Variants in SUPT3H observed in about 807,000 individuals in gnomAD.
SUPT3H encodes SPT3 homolog, SAGA and STAGA complex component, also known as transcription initiation protein SPT3 homolog.
In SUPT3H, 44 loss-of-function variants were observed where a neutral mutation model predicts 44.3. The ratio of observed to expected loss-of-function variants is 0.99; its 90% CI spans 0.78 to 1.28. The LOEUF (loss-of-function observed/expected upper bound fraction) is 1.28, where lower values mean the gene tolerates loss of function less well. Ranked by LOEUF, SUPT3H falls within the 50% of genes most tolerant of loss-of-function variation. The pLI, the probability that SUPT3H is intolerant of heterozygous loss-of-function variation, is 0.00. For missense variants in SUPT3H, 380 were observed against 387.1 expected, an observed-to-expected ratio of 0.98 and a Z score of 0.15; for synonymous variants, 124 against 125.6, an observed-to-expected ratio of 0.99 and a Z score of 0.09.
intron 2 of SUPT3H, among the ~76,000 whole-genome samples, chr6:45,169,530 T>C (rs1441125039): frequency 1.3e-5 from 2 of 152,198 alleles, no homozygotes; most frequent in African/African-American, 4.8e-5. Flanking sequence ...ATCCAAAATA[T>C]TGCTTGAACA....
intron 2 of SUPT3H, among the ~76,000 whole-genome samples, chr6:45,347,776 A>G (rs1357972218): frequency 2.7e-5 from 4 of 150,366 alleles, no homozygotes; most frequent in Middle Eastern, 3.4e-3. Flanking sequence ...TAAAAAAAAA[A>G]GACGTATATT....
chr6:45,283,121 C>G (rs554977865), intron 2 of SUPT3H, among the ~76,000 whole-genome samples: 1 of 152,344 alleles, frequency 6.6e-6, no homozygotes, highest in Non-Finnish European at 1.5e-5. Flanking sequence ...GTACCAGCCA[C>G]TGCAAAAACA....
At chr6:45,301,978 C>T (rs1022826240) in intron 2 of SUPT3H, among the ~76,000 whole-genome samples, 3 of 152,148 alleles carry the variant, frequency 2.0e-5, no homozygotes, top group Non-Finnish European at 2.9e-5. Context: ...CTGTTAAGTG[C>T]CAAGTAAATG....
intron 2 of SUPT3H, among the ~76,000 whole-genome samples, chr6:45,119,108 T>C (rs1801245249): frequency 6.6e-6 from 1 of 152,116 alleles, no homozygotes; most frequent in African/African-American, 2.4e-5. Context: ...CATAGACATA[T>C]AATCATAAAT....
intron 2 of SUPT3H, among the ~76,000 whole-genome samples, chr6:45,355,646 A>G (rs1793022484): frequency 6.6e-6 from 1 of 152,150 alleles, no homozygotes. Context: ...CAAATTCCAG[A>G]TAAGTGAAGT....
At position 45,320,609 on chromosome 6, in the gene SUPT3H, A is replaced by G. The variant is rs555366924; in HGVS notation, c.101+44592T>C. Among the ~76,000 whole-genome samples the G allele has an allele frequency of 8.5e-5, 13 of 152,104 alleles. 1 individual carries two copies. In the South Asian group the frequency reaches 2.5e-3, roughly 29 times the overall value. ...TTCCTGTTTTTGTAAATAAAGTTTT[A>G]CTGGAATTCAGCCATACTCATTTGT... is the stretch of plus-strand genomic sequence containing the variant. On this transcript the variant is annotated intron_variant, in intron 2 of 10. Coordinates refer to ENST00000371459, the MANE Select transcript of SUPT3H (RefSeq NM_003599.4).
chr6:45,363,038 AGTC>A (rs2150260087), intron 2 of SUPT3H, among the ~76,000 whole-genome samples: 1 of 151,776 alleles, frequency 6.6e-6, no homozygotes, highest in East Asian at 1.9e-4. Flanking sequence ...TAATTTTTGT[AGTC>A]TTCTTCTTAA....
At chr6:44,877,236 G>A (rs1026084417) in intron 10 of SUPT3H, among the ~76,000 whole-genome samples, 3 of 152,188 alleles carry the variant, frequency 2.0e-5, no homozygotes, top group African/African-American at 4.8e-5. Context: ...GGAGGCTGAA[G>A]CAGGCAGATC....
chr6:45,080,429 C>A (rs1445471022), intron 3 of SUPT3H, among the ~76,000 whole-genome samples: 1 of 152,012 alleles, frequency 6.6e-6, no homozygotes, highest in Admixed American at 6.6e-5. Context: ...CCAGATATAC[C>A]TCTGCTAGGT....
chr6:45,196,569 T>C (rs955611987), intron 2 of SUPT3H, among the ~76,000 whole-genome samples: 3 of 152,018 alleles, frequency 2.0e-5, no homozygotes, highest in Admixed American at 6.6e-5. Flanking sequence ...AATAGAGCAA[T>C]AGTACCTTTG....
chr6:45,003,585 T>G, intron 6 of SUPT3H, 68 bp downstream of exon 6: 1 of 1,536,432 alleles, frequency 6.5e-7, no homozygotes, highest in Non-Finnish European at 8.8e-7. Context: ...AACATGAGAA[T>G]AGGACCAAAC....
intron 2 of SUPT3H, among the ~76,000 whole-genome samples, chr6:45,332,105 C>G (rs1787634013): frequency 6.6e-6 from 1 of 151,890 alleles, no homozygotes; most frequent in Non-Finnish European, 1.5e-5. Context: ...AATTACAAAC[C>G]TTTTCTAGTG....
At chr6:45,357,895 A>T (rs373188464) in intron 2 of SUPT3H, among the ~76,000 whole-genome samples, 1 of 151,588 alleles carries the variant, frequency 6.6e-6, no homozygotes, top group Non-Finnish European at 1.5e-5. Context: ...GACTAAGAGT[A>T]TATATATATA....
At chr6:45,332,117 T>C (rs1338033942) in intron 2 of SUPT3H, among the ~76,000 whole-genome samples, 2 of 151,964 alleles carry the variant, frequency 1.3e-5, no homozygotes, top group Admixed American at 6.6e-5. Context: ...TTTCTAGTGC[T>C]TCAAAATTCA....
chr6:44,995,055 C>T (rs1026284846), intron 6 of SUPT3H, among the ~76,000 whole-genome samples: 4 of 151,942 alleles, frequency 2.6e-5, no homozygotes, highest in Non-Finnish European at 5.9e-5. Flanking sequence ...TAGTCCCCTA[C>T]TCTTCAATTA....
At chr6:45,201,374 T>A (rs570143995) in intron 2 of SUPT3H, among the ~76,000 whole-genome samples, 3 of 151,766 alleles carry the variant, frequency 2.0e-5, no homozygotes, top group Non-Finnish European at 4.4e-5. Flanking sequence ...TCTTTTTCAG[T>A]GAATACTGTT....
rs182319326 is a variant in SUPT3H, at chr6:44,848,591, T to G, written c.913-18734A>C. Reference sequence around the variant, plus strand: ...TCTGTGTACATTTGTTGTGTGGATCTCTGCAACTGTCCTTTTCTAATGAAG... The same window carrying G: ...TCTGTGTACATTTGTTGTGTGGATCGCTGCAACTGTCCTTTTCTAATGAAG... On this transcript the variant is annotated intron_variant, in intron 10 of 10. Coordinates refer to ENST00000371459, the MANE Select transcript of SUPT3H (RefSeq NM_003599.4). 1.7e-4 allele frequency among the ~76,000 whole-genome samples: 26 copies of G among 152,334 alleles called. No homozygotes were observed. The East Asian group carries it at 4.4e-3, about 26-fold the overall frequency.
intron 6 of SUPT3H, among the ~76,000 whole-genome samples, chr6:44,999,636 G>C (rs2153503769): frequency 6.6e-6 from 1 of 152,040 alleles, no homozygotes; most frequent in South Asian, 2.1e-4. Context: ...GCATCTATTA[G>C]ATAAACTTAG....
chr6:45,196,292 T>C lies in SUPT3H; in HGVS notation c.102-90286A>G, dbSNP rs147180388. ...CCACTGTTTGGTTGTTTCCAATTTCTAAAACCACAAATAGTAAAAGTGTAC... is the reference window on the plus strand; with the variant it reads ...CCACTGTTTGGTTGTTTCCAATTTCCAAAACCACAAATAGTAAAAGTGTAC... On this transcript the variant is annotated intron_variant, in intron 2 of 10. Coordinates refer to ENST00000371459, the MANE Select transcript of SUPT3H (RefSeq NM_003599.4). Among the ~76,000 whole-genome samples the C allele has an allele frequency of 3.4e-3, 515 of 152,192 alleles. 3 individuals carry two copies. Among genetic ancestry groups the C allele is most frequent in the Non-Finnish European group, 3.8e-3 (258 of 67,960 alleles).
Sources: allele counts gnomAD v4.1 joint callset (sites outside exome capture counted in the v4.1 genomes callset), GRCh38; gene constraint gnomAD v4.1.1; transcripts MANE v1.5; gene names NCBI Gene and HGNC (gene_info 2026-07-23, HGNC 2026-07-21).